OTX2: variants seen among roughly 807,000 people sequenced by gnomAD.
OTX2 encodes the protein orthodenticle homeobox 2.
A neutral mutation model predicts 29.0 loss-of-function variants in OTX2; 4 were observed. That is an observed-to-expected ratio of 0.14 (90% CI 0.07 to 0.32). The LOEUF (loss-of-function observed/expected upper bound fraction) is 0.32, where lower values mean the gene tolerates loss of function less well. Among genes scored for constraint, OTX2 ranks in the 10% least tolerant of loss-of-function variants. OTX2 has a pLI of 1.00. For missense variants in OTX2, 298 were observed against 365.9 expected, an observed-to-expected ratio of 0.81 and a Z score of 1.51; for synonymous variants, 134 against 141.0, an observed-to-expected ratio of 0.95 and a Z score of 0.35.
At position 56,800,474 on chromosome 14, in the gene OTX2, C is replaced by G. The variant is rs78265343; in HGVS notation, c.*1261G>C. The G allele has an allele frequency of 0.027, 4,127 of 152,132 alleles. 100 individuals carry two copies. Among genetic ancestry groups the G allele is most frequent in the East Asian group, 0.13 (671 of 5,180 alleles). 9.4% of individuals were successfully genotyped at this position (152,132 alleles called of 1,614,324 possible). On this transcript the variant is annotated 3_prime_UTR_variant, in exon 5 of 5. Coordinates refer to ENST00000672264, the MANE Select transcript of OTX2 (RefSeq NM_021728.4). ...GAGGGAAAAGCAAGGAAAACAAGAT[C>G]TTGTTGTTAGGCTCTCCAAACTCAA...
intron 3 of OTX2, 63 bp downstream of exon 3, chr14:56,805,297 G>T: frequency 1.8e-6 from 2 of 1,088,086 alleles, no homozygotes; most frequent in Non-Finnish European, 2.8e-6. Flanking sequence ...GGAACAGGGT[G>T]TTGCATCCCC....
chr14:56,809,299 A>G (rs1892196993), intron 2 of OTX2, among the ~76,000 whole-genome samples: 1 of 152,198 alleles, frequency 6.6e-6, no homozygotes, highest in African/African-American at 2.4e-5. Flanking sequence ...GTCATGTTGA[A>G]AAAACACTCT....
Position 56,804,070 on chromosome 14 carries a change from G to A in OTX2, c.273+118C>T, listed in dbSNP as rs1891988936. ...GAATAGTTTCCTGGCCCCTTAGTGA[G>A]TGAAGGAGAATTTCAAGCCTTCCTT... On this transcript the variant is annotated intron_variant, in intron 4 of 4. Coordinates refer to ENST00000672264, the MANE Select transcript of OTX2 (RefSeq NM_021728.4). The surrounding 1 kb of genome is among the most constrained non-coding windows in gnomAD (Gnocchi z 4.1). The A allele has an allele frequency of 8.3e-7, 1 of 1,204,868 alleles. No homozygotes were observed. Among genetic ancestry groups the A allele is most frequent in the Non-Finnish European group, 1.2e-6 (1 of 818,890 alleles). The allele number at this position is 1,204,868 out of a possible 1,614,324, so 74.6% of individuals were successfully genotyped here. A position where few individuals can be genotyped will look rare whatever the true frequency, so the allele number is the denominator to read the frequency against.
At position 56,802,983 on chromosome 14, in the gene OTX2, C is replaced by T. The variant is rs117688952; in HGVS notation, c.274-628G>A. On this transcript the variant is annotated intron_variant, in intron 4 of 4. Coordinates refer to ENST00000672264, the MANE Select transcript of OTX2 (RefSeq NM_021728.4). The surrounding 1 kb of genome is among the most constrained non-coding windows in gnomAD (Gnocchi z 4.4). ...AGCTTCTTTGTGGTAAAAGGAGTGA[C>T]TTACATGCACTCTGCTTTGAGCTGG... Among the ~76,000 whole-genome samples, 6 of 152,314 alleles carry T rather than the reference C, an allele frequency of 3.9e-5. No homozygotes were observed. The East Asian group carries it at 1.2e-3, about 29-fold the overall frequency.
Position 56,802,437 on chromosome 14 carries a change from C to CATGTAGGATAGATT in OTX2, c.274-83_274-82insAATCTATCCTACAT. The CATGTAGGATAGATT allele has an allele frequency of 6.8e-7, 1 of 1,471,208 alleles. No homozygotes were observed. The highest frequency in any genetic ancestry group is 9.5e-7 in the Non-Finnish European group (1 of 1,057,910). 91.1% of individuals were successfully genotyped at this position (1,471,208 alleles called of 1,614,324 possible). On this transcript the variant is annotated intron_variant, in intron 4 of 4. Coordinates refer to ENST00000672264, the MANE Select transcript of OTX2 (RefSeq NM_021728.4). The surrounding 1 kb of genome is among the most constrained non-coding windows in gnomAD (Gnocchi z 4.4). ...ATGGCTCCCGTATTATAAATCTATC[C>CATGTAGGATAGATT]TACATGGGCAGATCAGCTAAACACA... is the stretch of plus-strand genomic sequence containing the variant.
At position 56,805,606 on chromosome 14, in the gene OTX2, G is replaced by T; in HGVS notation, c.-119-31C>A. The T allele has an allele frequency of 1.2e-5, 8 of 674,418 alleles. No individual in the cohort carries two copies. The South Asian group carries it at 1.3e-4, about 11-fold the overall frequency. 41.8% of individuals were successfully genotyped at this position (674,418 alleles called of 1,614,324 possible). On this transcript the variant is annotated intron_variant, in intron 2 of 4. Coordinates refer to ENST00000672264, the MANE Select transcript of OTX2 (RefSeq NM_021728.4). ...GGCAAAGCAAACAAACAAACAGAGG[G>T]GCTGGTTTACTGCTTCGGAGGCAGC...
Position 56,802,168 on chromosome 14 carries a change from C to G in OTX2, c.461G>C (p.Ser154Thr). Residue 154 changes from serine to threonine, a missense_variant, in exon 5 of 5, where the codon AGT becomes ACT. This residue lies in a region of OTX2 where 219 missense variants were observed against 223.5 expected (regional missense o/e 0.98). Transcript: ENST00000672264. The surrounding 1 kb of genome is among the most constrained non-coding windows in gnomAD (Gnocchi z 4.4). ...TGGGCTCCAGATAGACACAGGAGCA[C>G]TGCTGCTGGCAATGGTCGGGACTGA... ...STSVPTIASS[S>T]APVSIWSPAS... 1.2e-6 allele frequency: 2 copies of G among 1,614,092 alleles called. No homozygotes were observed. The highest frequency in any genetic ancestry group is 8.5e-7 in the Non-Finnish European group (1 of 1,179,948).
rs1257294974 is a variant in OTX2, at chr14:56,801,036, A to C, written c.*699T>G. ...CTCAGTTGCTCTGAATTTTGCTTATAATTATAACCTATTTAATCACAGAAG... is the reference window on the plus strand; with the variant it reads ...CTCAGTTGCTCTGAATTTTGCTTATCATTATAACCTATTTAATCACAGAAG... On this transcript the variant is annotated 3_prime_UTR_variant, in exon 5 of 5. Transcript: ENST00000672264. The surrounding 1 kb of genome is among the most constrained non-coding windows in gnomAD (Gnocchi z 4.2). The C allele has an allele frequency of 6.5e-6, 1 of 153,824 alleles. No individual in the cohort carries two copies. The highest frequency in any genetic ancestry group is 1.4e-5 in the Non-Finnish European group (1 of 68,976). The allele number at this position is 153,824 out of a possible 1,614,324, so 9.5% of individuals were successfully genotyped here.
intron 2 of OTX2, among the ~76,000 whole-genome samples, chr14:56,807,294 C>T (rs945824100): frequency 1.3e-5 from 2 of 152,092 alleles, no homozygotes; most frequent in African/African-American, 4.8e-5. Flanking sequence ...GCTGTTTAAA[C>T]ACATATGCGA....
Position 56,804,112 on chromosome 14 carries a change from C to A in OTX2, c.273+76G>T, listed in dbSNP as rs1891990104. 6 of 1,523,792 alleles carry A rather than the reference C, an allele frequency of 3.9e-6. No homozygotes were observed. The highest frequency in any genetic ancestry group is 5.5e-6 in the Non-Finnish European group (6 of 1,098,046). 94.4% of individuals were successfully genotyped at this position (1,523,792 alleles called of 1,614,324 possible). On this transcript the variant is annotated intron_variant, in intron 4 of 4. Transcript: ENST00000672264. The surrounding 1 kb of genome is among the most constrained non-coding windows in gnomAD (Gnocchi z 4.1). ...GCCTTCCTTCAGTCCTCTGAAAGAC[C>A]TGGGGCTCTCCACAGTCCCATACTC...
chr14:56,808,627 C>G (rs928841302), intron 2 of OTX2, among the ~76,000 whole-genome samples: 6 of 152,172 alleles, frequency 3.9e-5, no homozygotes, highest in Non-Finnish European at 7.3e-5. Flanking sequence ...CTCTCCTACT[C>G]CCCTCTGTTG....
chr14:56,805,500 AC>A lies in OTX2; in HGVS notation c.-45del. The A allele has an allele frequency of 7.4e-7, 1 of 1,346,842 alleles. No homozygotes were observed. Among genetic ancestry groups the A allele is most frequent in the Non-Finnish European group, 1.1e-6 (1 of 940,904 alleles). 83.4% of individuals were successfully genotyped at this position (1,346,842 alleles called of 1,614,324 possible). A position where few individuals can be genotyped will look rare whatever the true frequency, so the allele number is the denominator to read the frequency against. ...TGCAAAGTCGGCCCAAATCGGGGGT[AC>A]CCAGCTGGAAGATCTTGATGCGCCC... On this transcript the variant is annotated 5_prime_UTR_variant, in exon 3 of 5. Coordinates refer to ENST00000672264, the MANE Select transcript of OTX2 (RefSeq NM_021728.4).
chr14:56,809,278 G>A (rs369652539), intron 2 of OTX2, among the ~76,000 whole-genome samples: 2 of 152,194 alleles, frequency 1.3e-5, no homozygotes, highest in East Asian at 1.9e-4. Flanking sequence ...GGCGGGCCGC[G>A]ACCCGGCAAA....
At chr14:56,803,227 T>C (rs1170397184) in intron 4 of OTX2, among the ~76,000 whole-genome samples, 4 of 152,262 alleles carry the variant, frequency 2.6e-5, no homozygotes, top group African/African-American at 9.6e-5. Context: ...TGGCATTTTC[T>C]GGAGGACAAA....
rs528387896 is a variant in OTX2, at chr14:56,803,866, G to A, written c.273+322C>T. Among the ~76,000 whole-genome samples, 4 of 152,172 alleles carry A rather than the reference G, an allele frequency of 2.6e-5. No individual in the cohort carries two copies. The South Asian group carries it at 6.2e-4, about 24-fold the overall frequency. ...TCCAAGAGCTAAGCTGCTTTCACAC[G>A]TACAAGTCCATGAGAATAGGAGAGG... On this transcript the variant is annotated intron_variant, in intron 4 of 4. Coordinates refer to ENST00000672264, the MANE Select transcript of OTX2 (RefSeq NM_021728.4).
chr14:56,801,031 CTTATAA>C lies in OTX2; in HGVS notation c.*698_*703del, dbSNP rs971821568. The stretch of plus-strand genomic sequence containing the variant: ...CAGTACTCAGTTGCTCTGAATTTTG[CTTATAA>C]TTATAACCTATTTAATCACAGAAGA... On this transcript the variant is annotated 3_prime_UTR_variant, in exon 5 of 5. Coordinates refer to ENST00000672264, the MANE Select transcript of OTX2 (RefSeq NM_021728.4). This position sits in a 1 kb window ranked among gnomAD's most constrained non-coding sequence, Gnocchi z 4.2. The C allele has an allele frequency of 1.3e-5, 2 of 153,638 alleles. No individual in the cohort carries two copies. Among genetic ancestry groups the C allele is most frequent in the African/African-American group, 4.8e-5 (2 of 41,432 alleles). The allele number at this position is 153,638 out of a possible 1,614,324, so 9.5% of individuals were successfully genotyped here. A position where few individuals can be genotyped will look rare whatever the true frequency, so the allele number is the denominator to read the frequency against.
At chr14:56,803,978 C>G (rs552813436) in intron 4 of OTX2, among the ~76,000 whole-genome samples, 1 of 152,288 alleles carries the variant, frequency 6.6e-6, no homozygotes, top group African/African-American at 2.4e-5. Flanking sequence ...CCACCAGCAA[C>G]CCGGGCCTTG....
At chr14:56,807,864 T>C (rs1384743160) in intron 2 of OTX2, among the ~76,000 whole-genome samples, 29 of 152,198 alleles carry the variant, frequency 1.9e-4, no homozygotes. Flanking sequence ...AGGTGGCCTC[T>C]GGAGAACTCA....
rs1311161490 is a variant in OTX2, at chr14:56,800,611, ACT to A, written c.*1122_*1123del. On this transcript the variant is annotated 3_prime_UTR_variant, in exon 5 of 5. Transcript: ENST00000672264. Reference sequence around the variant, plus strand: ...AAAGTAAAAATAAGTTTGCTAATTTACTCTCTGTCCTAAGAAAAACGTGTTTT... The same window carrying A: ...AAAGTAAAAATAAGTTTGCTAATTTACTCTGTCCTAAGAAAAACGTGTTTT... The A allele has an allele frequency of 2.0e-5, 3 of 152,334 alleles. No homozygotes were observed. Among genetic ancestry groups the A allele is most frequent in the Admixed American group, 2.0e-4 (3 of 15,268 alleles). The allele number at this position is 152,334 out of a possible 1,614,324, so 9.4% of individuals were successfully genotyped here. A position where few individuals can be genotyped will look rare whatever the true frequency, so the allele number is the denominator to read the frequency against.
Sources: gnomAD v4.1 joint callset for allele counts (sites outside exome capture counted in the v4.1 genomes callset) on GRCh38, gnomAD v4.1.1 for gene constraint, gnomAD v4.1.1 regional missense constraint, Gnocchi (gnomAD v3.1) non-coding constraint, MANE v1.5 for transcripts, NCBI Gene and HGNC (gene_info 2026-07-23, HGNC 2026-07-21) for gene names.